The following CHMP3 variants were observed in gnomAD, a reference collection of about 807,000 sequenced individuals.
CHMP3 encodes charged multivesicular body protein 3.
Under a neutral mutation model 27.4 loss-of-function variants are expected in CHMP3, and 8 were observed. That is an observed-to-expected ratio of 0.29 (90% CI 0.17 to 0.53). CHMP3 has a LOEUF of 0.53. Among genes scored for constraint, CHMP3 ranks in the 20% least tolerant of loss-of-function variants. The probability of loss-of-function intolerance (pLI) is 0.96; values close to 1 mark genes in which losing one functional copy is unlikely to be tolerated. For synonymous variants in CHMP3, 86 were observed against 85.5 expected (o/e 1.01, Z -0.03); for missense variants, 208 against 271.5 (o/e 0.77, Z 1.64).
At chr2:86,510,275 C>T (rs1200477358) in intron 4 of CHMP3, 83 bp downstream of exon 4, 4 of 1,052,374 alleles carry the variant, frequency 3.8e-6, no homozygotes, top group Non-Finnish European at 5.6e-6. Flanking sequence ...TTCATCCCCA[C>T]CCACCCTCAT....
intron 2 of CHMP3, among the ~76,000 whole-genome samples, chr2:86,534,192 ATTTC>A (rs1222952070): frequency 3.2e-5 from 2 of 62,128 alleles, no homozygotes; most frequent in African/African-American, 1.1e-4. Context: ...CAATTGCTTT[ATTTC>A]TTTTTTTTTT....
Position 86,563,303 on chromosome 2 carries a change from C to T in CHMP3, c.45+1G>A. 1 of 1,614,104 alleles carries T rather than the reference C, an allele frequency of 6.2e-7. No individual in the cohort carries two copies. The highest frequency in any genetic ancestry group is 8.5e-7 in the Non-Finnish European group (1 of 1,179,932). ...TTATCTGCCGCCGCCGTAGCCCTTACCAGTTCTTTGGGCGGCTTCTCCTGG... is the reference window on the plus strand; with the variant it reads ...TTATCTGCCGCCGCCGTAGCCCTTATCAGTTCTTTGGGCGGCTTCTCCTGG... On this transcript the variant is annotated splice_donor_variant, in intron 1 of 5. Transcript: ENST00000263856. LOFTEE classifies it high-confidence loss of function.
intron 2 of CHMP3, among the ~76,000 whole-genome samples, chr2:86,535,869 C>A (rs1412506347): frequency 2.0e-5 from 3 of 152,160 alleles, no homozygotes; most frequent in Non-Finnish European, 2.9e-5. Flanking sequence ...GTCTCTACCC[C>A]AGTTCAGTTA....
At chr2:86,508,776 G>C (rs549427049) in intron 4 of CHMP3, among the ~76,000 whole-genome samples, 1 of 152,228 alleles carries the variant, frequency 6.6e-6, no homozygotes, top group South Asian at 2.1e-4. Context: ...CCTCAGATCC[G>C]TTCTTCCCAA....
chr2:86,541,812 C>T (rs1039252760), intron 2 of CHMP3, among the ~76,000 whole-genome samples: 4 of 152,142 alleles, frequency 2.6e-5, no homozygotes, highest in African/African-American at 9.7e-5. Flanking sequence ...CTTCTCCAAT[C>T]ATGAAAGTGT....
At chr2:86,529,457 A>G (rs577211978) in intron 2 of CHMP3, 60 bp from the exon 3 acceptor site, 1 of 1,475,006 alleles carries the variant, frequency 6.8e-7, no homozygotes, top group African/African-American at 1.4e-5. Context: ...GCACTCAAAT[A>G]CATTCTTATT....
intron 1 of CHMP3, among the ~76,000 whole-genome samples, chr2:86,558,399 G>A (rs977213871): frequency 6.6e-6 from 1 of 152,140 alleles, no homozygotes; most frequent in Non-Finnish European, 1.5e-5. Flanking sequence ...TGTTTCCCTA[G>A]AGAGTTCCTT....
intron 1 of CHMP3, among the ~76,000 whole-genome samples, chr2:86,560,897 A>G (rs775652810): frequency 6.6e-6 from 1 of 152,126 alleles, no homozygotes; most frequent in Non-Finnish European, 1.5e-5. Context: ...TTAAACAACC[A>G]GATCTCATGA....
intron 1 of CHMP3, among the ~76,000 whole-genome samples, chr2:86,545,637 C>A (rs1444395455): frequency 6.7e-6 from 1 of 148,510 alleles, no homozygotes; most frequent in East Asian, 2.0e-4. Context: ...CGGGCAGAGG[C>A]GCTCCTCAGT....
chr2:86,517,078 G>A lies in CHMP3; in HGVS notation c.287-6599C>T, dbSNP rs181699700. ...TCTTGCAAATACAGGTGTACTACAT[G>A]TATGTGAGTCTACTATTTTCTAAAA... On this transcript the variant is annotated intron_variant, in intron 3 of 5. Coordinates refer to ENST00000263856, the MANE Select transcript of CHMP3 (RefSeq NM_016079.4). 5.4e-3 allele frequency among the ~76,000 whole-genome samples: 816 copies of A among 152,172 alleles called. 10 individuals are homozygous for A. The highest frequency in any genetic ancestry group is 0.018 in the African/African-American group (756 of 41,502).
At position 86,504,434 on chromosome 2, in the gene CHMP3, T is replaced by A. The variant is rs1427570803; in HGVS notation, c.*1370A>T. ...TTAAAAAAATAATTATTTAAAATAATTTTTTAACTACACTCTGAAGATGAA... is the reference window on the plus strand; with the variant it reads ...TTAAAAAAATAATTATTTAAAATAAATTTTTAACTACACTCTGAAGATGAA... On this transcript the variant is annotated 3_prime_UTR_variant, in exon 6 of 6. Coordinates refer to ENST00000263856, the MANE Select transcript of CHMP3 (RefSeq NM_016079.4). 3.3e-5 allele frequency: 5 copies of A among 151,824 alleles called. No individual in the cohort carries two copies. Among genetic ancestry groups the A allele is most frequent in the African/African-American group, 1.2e-4 (5 of 41,350 alleles). 9.4% of individuals were successfully genotyped at this position (151,824 alleles called of 1,614,324 possible). A position where few individuals can be genotyped will look rare whatever the true frequency, so the allele number is the denominator to read the frequency against.
At chr2:86,562,741 T>C (rs1307231864) in intron 1 of CHMP3, 3 of 152,362 alleles carry the variant, frequency 2.0e-5, no homozygotes, top group African/African-American at 7.2e-5. Flanking sequence ...AGCTATCTTC[T>C]GTAACATTCT....
chr2:86,549,749 G>C (rs1283186427), intron 1 of CHMP3, among the ~76,000 whole-genome samples: 1 of 148,168 alleles, frequency 6.7e-6, no homozygotes, highest in Non-Finnish European at 1.5e-5. Context: ...TCGCAGACGG[G>C]GCGGCCAGGC....
chr2:86,562,236 A>G (rs1677400946), intron 1 of CHMP3: 2 of 152,238 alleles, frequency 1.3e-5, no homozygotes, highest in African/African-American at 4.8e-5. Context: ...TGTGCCTGCT[A>G]GAGCTGAACA....
Position 86,529,393 on chromosome 2 carries a change from G to C in CHMP3, c.111C>G (p.Ile37Met). ...GTTTCACTTTTTCTTCTTCTCTTTG[G>C]ATATCTAAATTTAGAACAGAACACC... ...MRVVDRQIRDIQREEEKVKRS... is the reference protein window; with the variant it reads ...MRVVDRQIRDMQREEEKVKRS... The change falls in exon 3 of 6, where the codon ATC becomes ATG. Residue 37 changes from isoleucine to methionine, a missense_variant. Coordinates refer to ENST00000263856, the MANE Select transcript of CHMP3 (RefSeq NM_016079.4). The C allele has an allele frequency of 6.3e-7, 1 of 1,593,790 alleles. No individual in the cohort carries two copies. The highest frequency in any genetic ancestry group is 8.5e-7 in the Non-Finnish European group (1 of 1,171,196).
chr2:86,529,201 G>A lies in CHMP3; in HGVS notation c.286+17C>T. On this transcript the variant is annotated intron_variant, in intron 3 of 5. Coordinates refer to ENST00000263856, the MANE Select transcript of CHMP3 (RefSeq NM_016079.4). ...CCCCGGCATTATGAGGTGACTGTAA[G>A]GTAAGTGCAGCCTTACCGAGCTGGT... The A allele has an allele frequency of 6.3e-7, 1 of 1,582,358 alleles. No homozygotes were observed. Among genetic ancestry groups the A allele is most frequent in the Non-Finnish European group, 8.6e-7 (1 of 1,166,458 alleles).
chr2:86,555,500 C>CA (rs1322848444), intron 1 of CHMP3, among the ~76,000 whole-genome samples: 2,428 of 123,336 alleles, frequency 0.02, 28 homozygotes, highest in African/African-American at 0.027. Flanking sequence ...GACTCCATCT[C>CA]AAAAAAAAAA....
chr2:86,515,271 T>C (rs1326849055), intron 3 of CHMP3: 2 of 152,222 alleles, frequency 1.3e-5, no homozygotes, highest in East Asian at 3.8e-4. Flanking sequence ...TTCTCAGTAT[T>C]GTTCCAATTT....
intron 3 of CHMP3, chr2:86,510,748 G>A: frequency 3.2e-6 from 1 of 315,320 alleles, no homozygotes; most frequent in Non-Finnish European, 5.8e-6. Flanking sequence ...TTGACTTTTA[G>A]GAAAGGAAGC....
Sources: gnomAD v4.1 joint callset for allele counts (sites outside exome capture counted in the v4.1 genomes callset) on GRCh38, gnomAD v4.1.1 for gene constraint, MANE v1.5 for transcripts, NCBI Gene and HGNC (gene_info 2026-07-23, HGNC 2026-07-21) for gene names.